SHLD1: variants seen among roughly 807,000 people sequenced by gnomAD.
SHLD1 encodes the protein RINN1-REV7-interacting novel NHEJ regulator 3.
A neutral mutation model predicts 5.5 loss-of-function variants in SHLD1; 3 were observed. The ratio of observed to expected loss-of-function variants is 0.54; its 90% CI spans 0.25 to 1.40. SHLD1 has a LOEUF of 1.40. SHLD1 is among the 40% of genes most tolerant of loss of function. The probability of loss-of-function intolerance (pLI) is 0.15; values close to 1 mark genes in which losing one functional copy is unlikely to be tolerated. For missense variants in SHLD1, 210 were observed against 244.4 expected, an observed-to-expected ratio of 0.86 and a Z score of 0.94; for synonymous variants, 92 against 94.3, an observed-to-expected ratio of 0.98 and a Z score of 0.14.
chr20:5,842,915 A>G (rs1490708433), intron 2 of SHLD1, among the ~76,000 whole-genome samples: 2 of 151,954 alleles, frequency 1.3e-5, no homozygotes, highest in East Asian at 3.8e-4. Context: ...TCAAACTTTC[A>G]ACTTCCCATT....
At position 5,809,170 on chromosome 20, in the gene SHLD1, T is replaced by A. The variant is rs899016778; in HGVS notation, c.178+36127T>A. On this transcript the variant is annotated intron_variant, in intron 2 of 2. Transcript: ENST00000303142. The stretch of plus-strand genomic sequence containing the variant: ...CATAAGTGATGAAAAGGACAGCTTT[T>A]AAAAATCACCAAAGAACTAAATGTA... 3.4e-4 allele frequency among the ~76,000 whole-genome samples: 52 copies of A among 152,232 alleles called. 3 individuals are homozygous for A. The highest frequency in any genetic ancestry group is 1.2e-3 in the African/African-American group (51 of 41,470).
chr20:5,857,199 C>T (rs2088099608), intron 2 of SHLD1, among the ~76,000 whole-genome samples: 1 of 152,230 alleles, frequency 6.6e-6, no homozygotes, highest in African/African-American at 2.4e-5. Flanking sequence ...TGGTCTCTAA[C>T]TCCTGAGCTC....
chr20:5,775,849 T>C (rs1031132426), intron 2 of SHLD1, among the ~76,000 whole-genome samples: 1 of 150,164 alleles, frequency 6.7e-6, no homozygotes, highest in South Asian at 2.1e-4. Context: ...TGGCAGGGAG[T>C]GGACTCTCAG....
chr20:5,796,982 G>A (rs2087223070), intron 2 of SHLD1, among the ~76,000 whole-genome samples: 1 of 152,092 alleles, frequency 6.6e-6, no homozygotes, highest in Admixed American at 6.6e-5. Flanking sequence ...TTTCTAACTA[G>A]CCAGGAAAAT....
intron 1 of SHLD1, among the ~76,000 whole-genome samples, chr20:5,763,972 G>C (rs1394029733): frequency 9.2e-6 from 1 of 109,190 alleles, no homozygotes; most frequent in South Asian, 3.0e-4. Flanking sequence ...AAAAAAAATA[G>C]AAAAATCAGC....
chr20:5,782,673 A>T lies in SHLD1; in HGVS notation c.178+9630A>T, dbSNP rs148966075. 4.8e-4 allele frequency among the ~76,000 whole-genome samples: 73 copies of T among 152,348 alleles called. No homozygotes were observed. The East Asian group carries it at 0.013, about 27-fold the overall frequency. On this transcript the variant is annotated intron_variant, in intron 2 of 2. Transcript: ENST00000303142. ...ATGCACCTTTAGTCTTATTCTGGGA[A>T]TCTGTCAACATCCCACTCTTCAAAG...
chr20:5,798,520 T>C (rs968528200), intron 2 of SHLD1, among the ~76,000 whole-genome samples: 15 of 152,018 alleles, frequency 9.9e-5, no homozygotes, highest in Admixed American at 9.8e-4. Flanking sequence ...GCCAGGATGG[T>C]CTCAATCTCC....
intron 2 of SHLD1, among the ~76,000 whole-genome samples, chr20:5,777,282 C>A (rs1985474595): frequency 6.6e-6 from 1 of 152,144 alleles, no homozygotes; most frequent in African/African-American, 2.4e-5. Context: ...AGCCACCACA[C>A]CCAGCCCAAA....
At chr20:5,750,502 G>GGGT (rs1983673256) in intron 1 of SHLD1, 23 bp downstream of exon 1, 1 of 138,050 alleles carries the variant, frequency 7.2e-6, no homozygotes, top group East Asian at 2.0e-4. Flanking sequence ...TGGGATGGGG[G>GGGT]GGGGTTGGAG....
intron 2 of SHLD1, among the ~76,000 whole-genome samples, chr20:5,845,926 G>C (rs2087927835): frequency 6.6e-6 from 1 of 152,138 alleles, no homozygotes; most frequent in Admixed American, 6.5e-5. Flanking sequence ...GTGCTCGGCT[G>C]TATCAGTACA....
At chr20:5,794,448 T>G (rs2087183679) in intron 2 of SHLD1, among the ~76,000 whole-genome samples, 1 of 152,240 alleles carries the variant, frequency 6.6e-6, no homozygotes, top group Non-Finnish European at 1.5e-5. Context: ...ACAGGCCCCT[T>G]ACAGAGAAGT....
chr20:5,827,259 A>G (rs1160189231), intron 2 of SHLD1, among the ~76,000 whole-genome samples: 1 of 152,200 alleles, frequency 6.6e-6, no homozygotes, highest in Non-Finnish European at 1.5e-5. Context: ...CCGCCAGCCC[A>G]GGAAGGGATC....
intron 2 of SHLD1, among the ~76,000 whole-genome samples, chr20:5,781,266 C>T (rs1910197964): frequency 6.6e-6 from 1 of 152,178 alleles, no homozygotes; most frequent in African/African-American, 2.4e-5. Context: ...AGTGCAGAGG[C>T]TCATGCCTAT....
intron 2 of SHLD1, among the ~76,000 whole-genome samples, chr20:5,834,889 C>T (rs750186790): frequency 1.3e-5 from 2 of 152,136 alleles, no homozygotes; most frequent in Non-Finnish European, 2.9e-5. Flanking sequence ...GTGGAAGGGG[C>T]AGGGGGGCTT....
chr20:5,776,804 G>C (rs944344252), intron 2 of SHLD1, among the ~76,000 whole-genome samples: 2 of 151,808 alleles, frequency 1.3e-5, no homozygotes, highest in Non-Finnish European at 2.9e-5. Flanking sequence ...TAAAAAAAAA[G>C]CATTCACATT....
chr20:5,818,763 G>A (rs2087570872), intron 2 of SHLD1, among the ~76,000 whole-genome samples: 2 of 152,186 alleles, frequency 1.3e-5, no homozygotes, highest in Admixed American at 1.3e-4. Context: ...ACAATAAGGC[G>A]ATGATGTTGG....
intron 2 of SHLD1, among the ~76,000 whole-genome samples, chr20:5,815,742 C>A (rs1015649062): frequency 2.0e-5 from 3 of 152,112 alleles, no homozygotes; most frequent in Non-Finnish European, 4.4e-5. Context: ...GATCCTATAG[C>A]CTCTTGTCTT....
chr20:5,773,755 C>A (rs1375379213), intron 2 of SHLD1, among the ~76,000 whole-genome samples: 1 of 152,120 alleles, frequency 6.6e-6, no homozygotes, highest in East Asian at 1.9e-4. Context: ...GGGCGTGTTC[C>A]TTAACCCCTC....
intron 1 of SHLD1, among the ~76,000 whole-genome samples, chr20:5,751,675 A>G (rs754604871): frequency 2.0e-5 from 3 of 152,234 alleles, no homozygotes; most frequent in African/African-American, 7.2e-5. Flanking sequence ...TAGCAAATAA[A>G]TAAAACTCTG....
Sources: gnomAD v4.1 joint callset for allele counts (sites outside exome capture counted in the v4.1 genomes callset) on GRCh38, gnomAD v4.1.1 for gene constraint, MANE v1.5 for transcripts, NCBI Gene and HGNC (gene_info 2026-07-23, HGNC 2026-07-21) for gene names.